Variants in PROX1 observed in about 807,000 individuals in gnomAD.
PROX1 encodes prospero homeobox protein 1.
Under a neutral mutation model 58.8 loss-of-function variants are expected in PROX1, and 7 were observed. The ratio of observed to expected loss-of-function variants is 0.12; its 90% CI spans 0.07 to 0.22. The LOEUF (loss-of-function observed/expected upper bound fraction) is 0.22, where lower values mean the gene tolerates loss of function less well. Among genes scored for constraint, PROX1 ranks in the 10% least tolerant of loss-of-function variants. The probability of loss-of-function intolerance (pLI) is 1.00; values close to 1 mark genes in which losing one functional copy is unlikely to be tolerated. For synonymous variants in PROX1, 350 were observed against 358.3 expected (o/e 0.98, Z 0.26); for missense variants, 675 against 927.8 (o/e 0.73, Z 3.54).
rs1328320274 is a variant in PROX1, at chr1:214,037,008, T to G, written c.*1174T>G. 1 of 152,250 alleles carries G rather than the reference T, an allele frequency of 6.6e-6. No homozygotes were observed. Among genetic ancestry groups the G allele is most frequent in the Non-Finnish European group, 1.5e-5 (1 of 68,042 alleles). The allele number at this position is 152,250 out of a possible 1,614,324, so 9.4% of individuals were successfully genotyped here. A position where few individuals can be genotyped will look rare whatever the true frequency, so the allele number is the denominator to read the frequency against. The stretch of plus-strand genomic sequence containing the variant: ...AAGCAATTGATAATGCCTCTTCCAA[T>G]TCAGAAGCTAGTATTGACCAAAATG... On this transcript the variant is annotated 3_prime_UTR_variant, in exon 5 of 5. Coordinates refer to ENST00000366958, the MANE Select transcript of PROX1 (RefSeq NM_001270616.2).
rs1482992371 is a variant in PROX1 at position 214,035,786 on chromosome 1, T to C, written c.2166T>C (p.Pro722=). The C allele has an allele frequency of 1.9e-6, 3 of 1,613,924 alleles. No individual in the cohort carries two copies. Among genetic ancestry groups the C allele is most frequent in the Non-Finnish European group, 2.5e-6 (3 of 1,179,870 alleles). ...TCTGCAAGCTGGATAGTGAAGTCCC[T>C]GAGATTTTCAAATCCCCGAACTGCC... ...KVICKLDSEV[P]EIFKSPNCLQ... is the part of the protein sequence containing the mutation. Residue 722 remains proline (P), a synonymous_variant, in exon 5 of 5, where the codon CCT becomes CCC. Coordinates refer to ENST00000366958, the MANE Select transcript of PROX1 (RefSeq NM_001270616.2).
chr1:214,010,961 G>A (rs1417062408), intron 3 of PROX1, among the ~76,000 whole-genome samples: 1 of 152,162 alleles, frequency 6.6e-6, no homozygotes, highest in Non-Finnish European at 1.5e-5. Flanking sequence ...ATCACAGTTG[G>A]ATGGACATGG....
At chr1:214,026,546 A>G (rs1664463992) in intron 4 of PROX1, among the ~76,000 whole-genome samples, 2 of 152,252 alleles carry the variant, frequency 1.3e-5, no homozygotes, top group Non-Finnish European at 1.5e-5. Context: ...ATCCTTTTCT[A>G]TTACCTGAAA....
chr1:214,005,224 C>G lies in PROX1; in HGVS notation c.1785C>G (p.Thr595=), dbSNP rs1359162940. ...AAGCAAAGCTCATGTTTTTTTATAC[C>G]CGTTATCCCAGCTCCAATATGCTGA... The part of the protein sequence containing the change: ...LKKAKLMFFY[T]RYPSSNMLKT... The change falls in exon 3 of 5, where the codon ACC becomes ACG. Residue 595 remains threonine, a synonymous_variant. Coordinates refer to ENST00000366958, the MANE Select transcript of PROX1 (RefSeq NM_001270616.2). 1.2e-6 allele frequency: 2 copies of G among 1,613,596 alleles called. No homozygotes were observed. The highest frequency in any genetic ancestry group is 1.7e-6 in the Non-Finnish European group (2 of 1,179,736).
Position 213,997,222 on chromosome 1 carries a change from A to G in PROX1, c.687A>G (p.Lys229=), listed in dbSNP as rs2102695436. Residue 229 remains lysine (K), a synonymous_variant, in exon 2 of 5, where the codon AAA becomes AAG. Transcript: ENST00000366958. The surrounding 1 kb of genome is among the most constrained non-coding windows in gnomAD (Gnocchi z 7.1). Reference sequence around the variant, plus strand: ...TCCAGCAGCTGGTTTCAGCCCGAAAAGAACAGAAGCGAGAGGAGCGCCGAC... The same window carrying G: ...TCCAGCAGCTGGTTTCAGCCCGAAAGGAACAGAAGCGAGAGGAGCGCCGAC... ...QSFQQLVSAR[K]EQKREERRQL... is the part of the protein sequence containing the mutation. The G allele has an allele frequency of 6.2e-7, 1 of 1,612,240 alleles. No individual in the cohort carries two copies. Among genetic ancestry groups the G allele is most frequent in the South Asian group, 1.1e-5 (1 of 91,004 alleles).
At chr1:213,990,688 G>GTGTA (rs1558165625) in intron 1 of PROX1, among the ~76,000 whole-genome samples, 7 of 149,544 alleles carry the variant, frequency 4.7e-5, no homozygotes, top group African/African-American at 1.7e-4. Context: ...GTGTGTGTGT[G>GTGTA]TGTGTGTGTG....
At chr1:214,008,682 A>G (rs1241152468) in intron 3 of PROX1, among the ~76,000 whole-genome samples, 2 of 152,210 alleles carry the variant, frequency 1.3e-5, no homozygotes, top group Non-Finnish European at 2.9e-5. Flanking sequence ...TTACCTTGGA[A>G]CGAAAGAGGT....
At chr1:214,033,623 T>C (rs1042334802) in intron 4 of PROX1, among the ~76,000 whole-genome samples, 15 of 152,162 alleles carry the variant, frequency 9.9e-5, no homozygotes, top group African/African-American at 3.4e-4. Context: ...TAAATGCCTA[T>C]GATTATGTTT....
At chr1:214,030,992 G>GAA in intron 4 of PROX1, 1 of 145,962 alleles carries the variant, frequency 6.9e-6, no homozygotes, top group African/African-American at 2.5e-5. Flanking sequence ...CATTCCGATG[G>GAA]AAAAAAAAAA....
intron 4 of PROX1, among the ~76,000 whole-genome samples, chr1:214,015,175 G>A (rs1308405905): frequency 6.6e-6 from 1 of 152,132 alleles, no homozygotes; most frequent in Non-Finnish European, 1.5e-5. Context: ...CACCCAAGGG[G>A]AAAAATACGA....
At chr1:214,013,725 C>T (rs886772048) in intron 4 of PROX1, among the ~76,000 whole-genome samples, 1 of 152,200 alleles carries the variant, frequency 6.6e-6, no homozygotes, top group South Asian at 2.1e-4. Context: ...ATATGATTAA[C>T]ATCTAATATT....
chr1:214,004,636 T>C (rs2289002), intron 2 of PROX1, among the ~76,000 whole-genome samples: 44,590 of 152,072 alleles, frequency 0.29, 6,743 homozygotes, highest in Admixed American at 0.41. Flanking sequence ...GTCAAGATGC[T>C]CCATTAGATT....
At chr1:213,992,281 G>T (rs1353218092) in intron 1 of PROX1, among the ~76,000 whole-genome samples, 2 of 152,090 alleles carry the variant, frequency 1.3e-5, no homozygotes. Flanking sequence ...CGCAATCTTA[G>T]TTAATTTAGG....
At chr1:214,019,492 A>G (rs1208275867) in intron 4 of PROX1, among the ~76,000 whole-genome samples, 1 of 152,192 alleles carries the variant, frequency 6.6e-6, no homozygotes, top group Non-Finnish European at 1.5e-5. Flanking sequence ...GTTGGATAGA[A>G]AACACCCACC....
At chr1:214,014,329 A>AGGAT (rs567964716) in intron 4 of PROX1, among the ~76,000 whole-genome samples, 2 of 152,242 alleles carry the variant, frequency 1.3e-5, no homozygotes, top group Non-Finnish European at 2.9e-5. Flanking sequence ...GCAAGTGAAG[A>AGGAT]GGATGGCAAA....
chr1:214,014,408 C>G (rs183220248), intron 4 of PROX1, among the ~76,000 whole-genome samples: 15 of 152,330 alleles, frequency 9.8e-5, no homozygotes, highest in Non-Finnish European at 1.5e-4. Flanking sequence ...CTACACGGTG[C>G]CCCAAGATCC....
chr1:214,027,848 T>C (rs973856967), intron 4 of PROX1, among the ~76,000 whole-genome samples: 1 of 150,994 alleles, frequency 6.6e-6, no homozygotes, highest in African/African-American at 2.4e-5. Context: ...CATTGTTCTT[T>C]CGAAGCTTTA....
chr1:214,014,741 G>T (rs910647836), intron 4 of PROX1, among the ~76,000 whole-genome samples: 1 of 152,162 alleles, frequency 6.6e-6, no homozygotes, highest in Non-Finnish European at 1.5e-5. Context: ...AAGGAGGTTT[G>T]ACGTCTCTTC....
upstream of PROX1, chr1:213,987,632 C>A (rs1420588712): frequency 2.8e-5 from 4 of 143,574 alleles, no homozygotes; most frequent in African/African-American, 1.0e-4. Flanking sequence ...CCGTCTCCCG[C>A]TTTGCATAGT....
Sources: gnomAD v4.1 joint callset for allele counts (sites outside exome capture counted in the v4.1 genomes callset) on GRCh38, gnomAD v4.1.1 for gene constraint, Gnocchi (gnomAD v3.1) non-coding constraint, MANE v1.5 for transcripts, NCBI Gene and HGNC (gene_info 2026-07-23, HGNC 2026-07-21) for gene names.